MEGF11: variants seen among roughly 807,000 people sequenced by gnomAD.
MEGF11 encodes the protein multiple EGF like domains 11.
A neutral mutation model predicts 146.6 loss-of-function variants in MEGF11; 126 were observed. The ratio of observed to expected loss-of-function variants is 0.86; its 90% confidence interval spans 0.74 to 1.00. The LOEUF (loss-of-function observed/expected upper bound fraction) is 1.00, where lower values mean the gene tolerates loss of function less well. MEGF11 is among the 50% of genes least tolerant of loss of function. The probability of loss-of-function intolerance (pLI) is 0.00; values close to 1 mark genes in which losing one functional copy is unlikely to be tolerated. For missense variants in MEGF11, 1,509 were observed against 1,521.2 expected (o/e 0.99, Z 0.13); for synonymous variants, 532 against 583.4 (o/e 0.91, Z 1.27).
chr15:66,198,414 T>C (rs1040717642), intron 1 of MEGF11, among the ~76,000 whole-genome samples: 1 of 152,258 alleles, frequency 6.6e-6, no homozygotes. Flanking sequence ...ACCTTGGTAC[T>C]TCACCACCCA....
At chr15:66,214,637 T>G (rs564205090) in intron 1 of MEGF11, among the ~76,000 whole-genome samples, 212 of 152,330 alleles carry the variant, frequency 1.4e-3, no homozygotes, top group African/African-American at 4.9e-3. Flanking sequence ...TGCCAAGGAC[T>G]GTTCAGGCAG....
chr15:66,182,173 G>C (rs144226641), intron 1 of MEGF11, among the ~76,000 whole-genome samples: 219 of 152,244 alleles, frequency 1.4e-3, no homozygotes, highest in African/African-American at 5.1e-3. Context: ...TGATGATCTC[G>C]GGACCAACGG....
rs1319272560 is a variant in MEGF11 at position 65,897,519 on chromosome 15, AC to A, written c.*414del. 6.5e-6 allele frequency: 1 copy of A among 153,038 alleles called. No homozygotes were observed. Among genetic ancestry groups the A allele is most frequent in the Non-Finnish European group, 1.5e-5 (1 of 68,726 alleles). The allele number at this position is 153,038 out of a possible 1,614,324, so 9.5% of individuals were successfully genotyped here. ...GTTGATGGTAACAGCAACCAAAAGT[AC>A]ATATACGTTTCAGGTGCTTTAAAGT... On this transcript the variant is annotated 3_prime_UTR_variant, in exon 26 of 26. Transcript: ENST00000395614.
intron 15 of MEGF11, among the ~76,000 whole-genome samples, 158 bp from the exon 16 acceptor site, chr15:65,918,252 C>T (rs538896642): frequency 6.6e-6 from 1 of 152,332 alleles, no homozygotes; most frequent in African/African-American, 2.4e-5. Flanking sequence ...CCTTGTCACC[C>T]TTCTCCATTT....
chr15:65,898,486 ACC>A (rs1249260294), intron 25 of MEGF11: 4 of 984,872 alleles, frequency 4.1e-6, no homozygotes, highest in Admixed American at 6.2e-5. Flanking sequence ...CCCATTTCCC[ACC>A]CCCAGTATTT....
chr15:66,057,546 T>C (rs1286896210), intron 5 of MEGF11, among the ~76,000 whole-genome samples: 3 of 152,076 alleles, frequency 2.0e-5, no homozygotes, highest in African/African-American at 7.2e-5. Flanking sequence ...GCTGCTACAA[T>C]GACTACAAAT....
intron 1 of MEGF11, among the ~76,000 whole-genome samples, chr15:66,129,755 C>T (rs1009561651): frequency 6.6e-6 from 1 of 152,196 alleles, no homozygotes; most frequent in Non-Finnish European, 1.5e-5. Context: ...CACTCTCCTT[C>T]GCTCCACAAT....
chr15:66,229,416 A>G (rs1324259348), intron 1 of MEGF11, among the ~76,000 whole-genome samples: 1 of 152,208 alleles, frequency 6.6e-6, no homozygotes, highest in Admixed American at 6.5e-5. Flanking sequence ...GTTGCCAGGC[A>G]GAAATGTGGG....
chr15:65,906,839 A>G (rs954460346), intron 23 of MEGF11, among the ~76,000 whole-genome samples: 1 of 152,158 alleles, frequency 6.6e-6, no homozygotes, highest in Non-Finnish European at 1.5e-5. Flanking sequence ...AAGTATTACC[A>G]GTGTTTTCAG....
At chr15:66,157,582 G>A (rs1009631556) in intron 1 of MEGF11, among the ~76,000 whole-genome samples, 3 of 152,178 alleles carry the variant, frequency 2.0e-5, no homozygotes, top group Non-Finnish European at 4.4e-5. Context: ...TGCCATCTTC[G>A]TCCCTTTCTC....
At chr15:65,922,533 C>A in intron 14 of MEGF11, 61 bp from the exon 15 acceptor site, 3 of 1,484,252 alleles carry the variant, frequency 2.0e-6, no homozygotes, top group Non-Finnish European at 8.9e-7. Flanking sequence ...CCTAGCTACC[C>A]TTCCTGTTCC....
rs565467412 is a variant in MEGF11 at position 66,161,854 on chromosome 15, A to C, written c.-8-33443T>G. ...CTCACGGAGCAGCAAGCCAGCAGTT[A>C]CACCACCAGTGGCTTTCAAGTCTTT... On this transcript the variant is annotated intron_variant, in intron 1 of 25. Coordinates refer to ENST00000395614, the MANE Select transcript of MEGF11 (RefSeq NM_001385028.1). Among the ~76,000 whole-genome samples the C allele has an allele frequency of 9.2e-5, 14 of 152,312 alleles. 1 individual carries two copies. Among genetic ancestry groups the C allele is most frequent in the Admixed American group, 7.2e-4 (11 of 15,312 alleles).
intron 8 of MEGF11, chr15:65,965,323 C>T: frequency 2.0e-6 from 1 of 498,586 alleles, no homozygotes; most frequent in Non-Finnish European, 3.5e-6. Flanking sequence ...GCCTTTCATG[C>T]CAGGTCGGCT....
At chr15:66,133,844 T>G (rs2088768517) in intron 1 of MEGF11, among the ~76,000 whole-genome samples, 1 of 152,184 alleles carries the variant, frequency 6.6e-6, no homozygotes, top group East Asian at 1.9e-4. Context: ...AAAGAGTGAT[T>G]CCCTGACTGC....
At chr15:66,167,267 G>A (rs936801692) in intron 1 of MEGF11, among the ~76,000 whole-genome samples, 3 of 152,210 alleles carry the variant, frequency 2.0e-5, no homozygotes, top group African/African-American at 4.8e-5. Context: ...CCCAGAGGGA[G>A]ACTCCATCCT....
chr15:65,983,831 T>TATA (rs1232685144), intron 5 of MEGF11, among the ~76,000 whole-genome samples: 1 of 152,066 alleles, frequency 6.6e-6, no homozygotes, highest in Non-Finnish European at 1.5e-5. Flanking sequence ...GTAGACTCAA[T>TATA]ATAAGCAAAG....
intron 1 of MEGF11, among the ~76,000 whole-genome samples, chr15:66,132,620 T>G (rs2088695526): frequency 6.6e-6 from 1 of 152,166 alleles, no homozygotes; most frequent in Non-Finnish European, 1.5e-5. Context: ...ATAGTGGCTG[T>G]TTAGAATGCT....
intron 1 of MEGF11, among the ~76,000 whole-genome samples, chr15:66,169,443 A>G (rs1050344251): frequency 1.3e-5 from 2 of 152,198 alleles, no homozygotes; most frequent in African/African-American, 4.8e-5. Context: ...AGTGAGGGAG[A>G]ACAGAGTCAG....
chr15:65,957,422 T>G, intron 10 of MEGF11, 125 bp downstream of exon 10: 2 of 890,858 alleles, frequency 2.2e-6, no homozygotes, highest in Non-Finnish European at 3.4e-6. Context: ...CCTCATGAAG[T>G]CTGTCTCTGA....
Sources: allele counts gnomAD v4.1 joint callset (sites outside exome capture counted in the v4.1 genomes callset), GRCh38; gene constraint gnomAD v4.1.1; transcripts MANE v1.5; gene names NCBI Gene and HGNC (gene_info 2026-07-23, HGNC 2026-07-21).